The following CREBBP variants were observed in gnomAD, a reference collection of about 807,000 sequenced individuals.
The protein encoded by CREBBP is CREB binding lysine acetyltransferase.
Under a neutral mutation model 265.0 loss-of-function variants are expected in CREBBP, and 19 were observed. The observed-to-expected ratio is 0.07, with a 90% confidence interval of 0.05 to 0.11. The LOEUF is 0.11. Among genes scored for constraint, CREBBP ranks in the 10% least tolerant of loss-of-function variants. The pLI, the probability that CREBBP is intolerant of heterozygous loss-of-function variation, is 1.00. For synonymous variants in CREBBP, 1,457 were observed against 1,223.7 expected, an observed-to-expected ratio of 1.19 and a Z score of -3.98; for missense variants, 2,525 against 3,219.0, an observed-to-expected ratio of 0.78 and a Z score of 5.22.
rs180861490 is a variant in CREBBP, at chr16:3,851,637, G to A, written c.86-628C>T. On this transcript the variant is annotated intron_variant, in intron 1 of 30. Coordinates refer to ENST00000262367, the MANE Select transcript of CREBBP (RefSeq NM_004380.3). ...TGGGAGGCTGAGGCAGGCGGATCAC[G>A]AGGTCAGGAGAGCGAGACCATCCTG... Among the ~76,000 whole-genome samples the A allele has an allele frequency of 1.1e-4, 17 of 152,110 alleles. No homozygotes were observed. The South Asian group carries it at 3.5e-3, about 32-fold the overall frequency.
intron 21 of CREBBP, 162 bp from the exon 22 acceptor site, chr16:3,745,516 T>G (rs1414452335): frequency 1.4e-6 from 1 of 693,412 alleles, no homozygotes; most frequent in Non-Finnish European, 2.6e-6. Flanking sequence ...TTACAATGCA[T>G]CCGTATGATA....
intron 30 of CREBBP, among the ~76,000 whole-genome samples, chr16:3,730,226 G>A (rs961461219): frequency 2.0e-5 from 3 of 152,130 alleles, no homozygotes; most frequent in African/African-American, 4.8e-5. Context: ...GTAAGCTCAC[G>A]GACAGTAGAC....
In CREBBP at chr16:3,725,943, GTCC is replaced by G. The variant is rs1170237822; in HGVS notation, c.*1772_*1774del. ...ATGAACTTCAGCTCCCCTGCCCATGGTCCTCCTCTCAGTTTTACGGTTTTTGTG... is the reference window on the plus strand; with the variant it reads ...ATGAACTTCAGCTCCCCTGCCCATGGTCCTCTCAGTTTTACGGTTTTTGTG... On this transcript the variant is annotated 3_prime_UTR_variant, in exon 31 of 31. Coordinates refer to ENST00000262367, the MANE Select transcript of CREBBP (RefSeq NM_004380.3). 3 of 233,024 alleles carry G rather than the reference GTCC, an allele frequency of 1.3e-5. No individual in the cohort carries two copies. Among genetic ancestry groups the G allele is most frequent in the African/African-American group, 6.6e-5 (3 of 45,322 alleles). The allele number at this position is 233,024 out of a possible 1,614,324, so 14.4% of individuals were successfully genotyped here. A position where few individuals can be genotyped will look rare whatever the true frequency, so the allele number is the denominator to read the frequency against.
chr16:3,849,659 C>G (rs1158337874), intron 2 of CREBBP, among the ~76,000 whole-genome samples: 2 of 150,226 alleles, frequency 1.3e-5, no homozygotes, highest in African/African-American at 2.4e-5. Flanking sequence ...GCGTGAGTCA[C>G]TGTGTCCAGC....
chr16:3,814,830 C>G (rs1284276705), intron 2 of CREBBP, among the ~76,000 whole-genome samples: 1 of 152,110 alleles, frequency 6.6e-6, no homozygotes, highest in Non-Finnish European at 1.5e-5. Flanking sequence ...AAAACAAAAC[C>G]CAGGCTACAT....
At chr16:3,848,486 C>T (rs535101625) in intron 2 of CREBBP, among the ~76,000 whole-genome samples, 1 of 152,242 alleles carries the variant, frequency 6.6e-6, no homozygotes, top group East Asian at 1.9e-4. Context: ...ATGTGTGATT[C>T]CACTGCACTG....
chr16:3,851,860 C>CAA lies in CREBBP; in HGVS notation c.86-853_86-852dup, dbSNP rs1159688899. 6.9e-3 allele frequency among the ~76,000 whole-genome samples: 199 copies of CAA among 28,940 alleles called. 7 individuals are homozygous for CAA. Among genetic ancestry groups the CAA allele is most frequent in the African/African-American group, 0.021 (172 of 8,110 alleles). 19.0% of individuals were successfully genotyped at this position (28,940 alleles called of 152,430 possible). ...TGGGCGACAGAGCGAGACTCCGTCT[C>CAA]AAAAAAAAAAAAAAAAAAAGACAAA... On this transcript the variant is annotated intron_variant, in intron 1 of 30. Coordinates refer to ENST00000262367, the MANE Select transcript of CREBBP (RefSeq NM_004380.3).
intron 24 of CREBBP, 63 bp downstream of exon 24, chr16:3,740,336 C>G (rs2151339437): frequency 6.3e-7 from 1 of 1,595,844 alleles, no homozygotes; most frequent in South Asian, 1.1e-5. Flanking sequence ...TTGCAGAGAG[C>G]AGGCTCTGGC....
At chr16:3,856,242 C>A (rs2054961371) in intron 1 of CREBBP, among the ~76,000 whole-genome samples, 1 of 152,234 alleles carries the variant, frequency 6.6e-6, no homozygotes. Flanking sequence ...TCTCCCGCTT[C>A]AGCCCCCTAT....
chr16:3,876,204 A>T, intron 1 of CREBBP, among the ~76,000 whole-genome samples: 1 of 151,518 alleles, frequency 6.6e-6, no homozygotes, highest in East Asian at 1.9e-4. Context: ...ACACCCAACT[A>T]ATTAAAAAAA....
intron 2 of CREBBP, among the ~76,000 whole-genome samples, chr16:3,834,154 T>C (rs895166593): frequency 6.6e-6 from 1 of 152,212 alleles, no homozygotes; most frequent in African/African-American, 2.4e-5. Flanking sequence ...GGAACTCTCA[T>C]TCATCACTGG....
At chr16:3,855,104 A>C (rs1272892706) in intron 1 of CREBBP, among the ~76,000 whole-genome samples, 1 of 152,200 alleles carries the variant, frequency 6.6e-6, no homozygotes, top group Non-Finnish European at 1.5e-5. Context: ...TCTTTATCAC[A>C]CATCTGTCTC....
chr16:3,856,670 G>C (rs1002266149), intron 1 of CREBBP, among the ~76,000 whole-genome samples: 2 of 152,174 alleles, frequency 1.3e-5, no homozygotes, highest in Middle Eastern at 3.2e-3. Context: ...GCATGAAAAT[G>C]AAACTTCATC....
chr16:3,728,087 C>A lies in CREBBP; in HGVS notation c.6960G>T (p.Met2320Ile), dbSNP rs771682806. The A allele has an allele frequency of 3.1e-6, 5 of 1,614,124 alleles. No homozygotes were observed. In the South Asian group the frequency reaches 5.5e-5, roughly 18 times the overall value. ...GCGAGGCCTGTGGCTGTCCTGAGAG[C>A]ATGTGTTGCTGGGGGCTCATGGGGT... ...QPNPMSPQQH[M>I]LSGQPQASHL... is the part of the protein sequence containing the mutation. Residue 2320 changes from methionine (M) to isoleucine (I), a missense_variant, in exon 31 of 31, where the codon ATG becomes ATT. By Grantham distance (10) the Met-to-Ile change is conservative. This residue lies in a region of CREBBP where 473 missense variants were observed against 459.3 expected (regional missense o/e 1.03). Transcript: ENST00000262367. The surrounding 1 kb of genome is among the most constrained non-coding windows in gnomAD (Gnocchi z 8.7).
Position 3,850,813 on chromosome 16 carries a change from G to A in CREBBP, c.282C>T (p.Pro94=), listed in dbSNP as rs778686287. 20 of 1,613,946 alleles carry A rather than the reference G, an allele frequency of 1.2e-5. No homozygotes were observed. The highest frequency in any genetic ancestry group is 5.0e-5 in the Admixed American group (3 of 60,008). The part of the protein sequence containing the change: ...PGIGNVSASS[P]VQQGLGGQAQ... The stretch of plus-strand genomic sequence containing the variant: ...CCTGGCCACCCAGGCCCTGCTGCAC[G>A]GGGCTGCTGGCGCTCACATTTCCTA... The change falls in exon 2 of 31, where the codon CCC becomes CCT. Residue 94 remains proline, a synonymous_variant. Transcript: ENST00000262367.
intron 5 of CREBBP, among the ~76,000 whole-genome samples, chr16:3,790,921 G>C (rs887563247): frequency 6.6e-6 from 1 of 152,178 alleles, no homozygotes; most frequent in African/African-American, 2.4e-5. Context: ...GGGCCACTCA[G>C]AAACAACCAG....
chr16:3,804,199 C>T (rs1461487386), intron 3 of CREBBP, among the ~76,000 whole-genome samples: 2 of 152,062 alleles, frequency 1.3e-5, no homozygotes, highest in Admixed American at 6.5e-5. Flanking sequence ...CTGGACCAGA[C>T]CAGGAGTCGA....
intron 16 of CREBBP, among the ~76,000 whole-genome samples, chr16:3,762,061 T>G (rs1037584587): frequency 2.6e-5 from 4 of 152,184 alleles, no homozygotes; most frequent in Admixed American, 6.5e-5. Flanking sequence ...AAAATTCAAG[T>G]GTTAGTCTCC....
chr16:3,771,521 T>G (rs1350799832), intron 13 of CREBBP, among the ~76,000 whole-genome samples: 2 of 152,144 alleles, frequency 1.3e-5, no homozygotes, highest in African/African-American at 2.4e-5. Flanking sequence ...CCATTGAAAC[T>G]TATGGCTTAA....
Sources: gnomAD v4.1 joint callset for allele counts (sites outside exome capture counted in the v4.1 genomes callset) on GRCh38, gnomAD v4.1.1 for gene constraint, gnomAD v4.1.1 regional missense constraint, Gnocchi (gnomAD v3.1) non-coding constraint, MANE v1.5 for transcripts, NCBI Gene and HGNC (gene_info 2026-07-23, HGNC 2026-07-21) for gene names.